NFATC2: variants seen among roughly 807,000 people sequenced by gnomAD.
NFATC2 encodes the protein nuclear factor of activated T-cells, cytoplasmic 2.
In NFATC2, 22 loss-of-function variants were observed where a neutral mutation model predicts 87.3. That is an observed-to-expected ratio of 0.25 (90% CI 0.18 to 0.36). The LOEUF (loss-of-function observed/expected upper bound fraction) is 0.36. Ranked by LOEUF, NFATC2 falls within the 10% of genes least tolerant of loss-of-function variation. The pLI, the probability that NFATC2 is intolerant of heterozygous loss-of-function variation, is 1.00. For missense variants in NFATC2, 1,149 were observed against 1,259.1 expected (o/e 0.91, Z 1.32); for synonymous variants, 565 against 542.2 (o/e 1.04, Z -0.58).
chr20:51,442,704 T>G (rs935777779), intron 6 of NFATC2, among the ~76,000 whole-genome samples: 55 of 98,766 alleles, frequency 5.6e-4, no homozygotes, highest in Middle Eastern at 4.5e-3. Flanking sequence ...TTAAATAAAG[T>G]TTGTTTTTTT....
At chr20:51,535,152 T>G (rs1480723743) in intron 1 of NFATC2, among the ~76,000 whole-genome samples, 1 of 151,540 alleles carries the variant, frequency 6.6e-6, no homozygotes, top group Non-Finnish European at 1.5e-5. Flanking sequence ...GTCAGAAGAG[T>G]TCCCCAGAAA....
chr20:51,544,397 A>G (rs2076872261), upstream of NFATC2, among the ~76,000 whole-genome samples: 1 of 152,144 alleles, frequency 6.6e-6, no homozygotes, highest in Non-Finnish European at 1.5e-5. Context: ...CTTGACCTCA[A>G]GTGATTCGAA....
chr20:51,546,158 G>A (rs565308709), upstream of NFATC2, among the ~76,000 whole-genome samples: 5 of 152,282 alleles, frequency 3.3e-5, no homozygotes, highest in Admixed American at 3.3e-4. Context: ...GACCGTTCAG[G>A]ACAGTCTAAC....
intron 3 of NFATC2, among the ~76,000 whole-genome samples, chr20:51,502,974 A>G (rs2076115048): frequency 6.6e-6 from 1 of 152,234 alleles, no homozygotes; most frequent in African/African-American, 2.4e-5. Context: ...GTTGAGCAGT[A>G]ATAACTGTCT....
intron 3 of NFATC2, among the ~76,000 whole-genome samples, chr20:51,499,240 G>A (rs1186490973): frequency 1.3e-5 from 2 of 152,150 alleles, no homozygotes; most frequent in African/African-American, 2.4e-5. Context: ...GCAAGTGGAG[G>A]CAGGGAAACC....
At chr20:51,553,244 A>T (rs2076949232) in intron 1 of NFATC2, among the ~76,000 whole-genome samples, 1 of 152,064 alleles carries the variant, frequency 6.6e-6, no homozygotes, top group Non-Finnish European at 1.5e-5. Flanking sequence ...GGAGCCTGTG[A>T]GCTTGAGCGC....
intron 5 of NFATC2, among the ~76,000 whole-genome samples, chr20:51,468,153 G>A (rs1001334242): frequency 2.0e-5 from 3 of 152,184 alleles, no homozygotes; most frequent in African/African-American, 7.2e-5. Context: ...CGCTGCCTCC[G>A]TGTGTGGGCT....
At chr20:51,463,005 C>T (rs1012170194) in intron 5 of NFATC2, among the ~76,000 whole-genome samples, 10 of 152,364 alleles carry the variant, frequency 6.6e-5, no homozygotes, top group Middle Eastern at 3.4e-3. Flanking sequence ...CGTTCTGGCC[C>T]GAGCACTGAG....
chr20:51,551,660 C>G (rs533798121), intron 1 of NFATC2, among the ~76,000 whole-genome samples: 1 of 150,360 alleles, frequency 6.7e-6, no homozygotes, highest in Non-Finnish European at 1.5e-5. Flanking sequence ...CCGCATCTGG[C>G]CTTTTTAAAA....
chr20:51,520,988 C>T (rs909034933), intron 2 of NFATC2, among the ~76,000 whole-genome samples: 6 of 152,200 alleles, frequency 3.9e-5, no homozygotes, highest in African/African-American at 1.4e-4. Flanking sequence ...TGTGAAACTT[C>T]AGTCACCAAA....
At chr20:51,440,236 C>CAAAAAAAAA (rs34071345) in intron 6 of NFATC2, among the ~76,000 whole-genome samples, 5,804 of 96,296 alleles carry the variant, frequency 0.06, 359 homozygotes, top group East Asian at 0.14. Flanking sequence ...AACTCCATCT[C>CAAAAAAAAA]AAAAAAAAAA....
At chr20:51,555,330 A>G (rs997357285) in intron 1 of NFATC2, among the ~76,000 whole-genome samples, 2 of 152,168 alleles carry the variant, frequency 1.3e-5, no homozygotes, top group African/African-American at 4.8e-5. Flanking sequence ...GCGGTGGCTC[A>G]TGCCTGTAAT....
At chr20:51,395,749 T>C (rs927417559) in intron 10 of NFATC2, among the ~76,000 whole-genome samples, 3 of 152,014 alleles carry the variant, frequency 2.0e-5, no homozygotes, top group African/African-American at 7.2e-5. Context: ...AAGTCATTTA[T>C]ATATAAAGAG....
At chr20:51,559,703 C>T (rs370206028) in intron 1 of NFATC2, among the ~76,000 whole-genome samples, 9 of 152,162 alleles carry the variant, frequency 5.9e-5, no homozygotes, top group Admixed American at 3.9e-4. Flanking sequence ...TTATGTTTGC[C>T]GTCACCATCT....
chr20:51,490,459 C>T (rs888335703), intron 3 of NFATC2, among the ~76,000 whole-genome samples: 5 of 152,210 alleles, frequency 3.3e-5, no homozygotes, highest in Admixed American at 3.3e-4. Flanking sequence ...TGTTCCCCAA[C>T]CTCAGTCATT....
At chr20:51,444,237 C>T (rs1490696041) in intron 6 of NFATC2, among the ~76,000 whole-genome samples, 2 of 152,084 alleles carry the variant, frequency 1.3e-5, no homozygotes, top group African/African-American at 4.8e-5. Context: ...CCGCCTTGGC[C>T]TCCCAAAGTG....
At chr20:51,427,542 C>CT (rs1982026727) in intron 9 of NFATC2, among the ~76,000 whole-genome samples, 1 of 152,160 alleles carries the variant, frequency 6.6e-6, no homozygotes, top group African/African-American at 2.4e-5. Flanking sequence ...ACACATCCCC[C>CT]TTTTTTCAAC....
intron 1 of NFATC2, among the ~76,000 whole-genome samples, chr20:51,556,713 G>A (rs1272778072): frequency 6.6e-6 from 1 of 152,054 alleles, no homozygotes; most frequent in Non-Finnish European, 1.5e-5. Flanking sequence ...AACAGTGCCC[G>A]TTGAGGAGGA....
intron 3 of NFATC2, among the ~76,000 whole-genome samples, chr20:51,514,688 T>C (rs764877424): frequency 6.6e-5 from 10 of 151,940 alleles, no homozygotes; most frequent in Non-Finnish European, 1.2e-4. Flanking sequence ...GCCAGACCAA[T>C]ATAGTGAAAC....
Sources: gnomAD v4.1 joint callset for allele counts (sites outside exome capture counted in the v4.1 genomes callset) on GRCh38, gnomAD v4.1.1 for gene constraint, MANE v1.5 for transcripts, NCBI Gene and HGNC (gene_info 2026-07-23, HGNC 2026-07-21) for gene names.